Variants in CLVS1 observed in about 807,000 individuals in gnomAD.
CLVS1 encodes the protein clavesin-1.
In CLVS1, 10 loss-of-function variants were observed where a neutral mutation model predicts 33.1. The observed-to-expected ratio is 0.30, with a 90% CI of 0.19 to 0.51. CLVS1 has a LOEUF of 0.51. Among genes scored for constraint, CLVS1 ranks in the 20% least tolerant of loss-of-function variants. The pLI, the probability that CLVS1 is intolerant of heterozygous loss-of-function variation, is 0.97. For missense variants in CLVS1, 343 were observed against 433.4 expected, an observed-to-expected ratio of 0.79 and a Z score of 1.85; for synonymous variants, 163 against 166.1, an observed-to-expected ratio of 0.98 and a Z score of 0.14.
At chr8:61,091,266 A>G (rs10095015) in intron 1 of CLVS1, among the ~76,000 whole-genome samples, 36,370 of 152,060 alleles carry the variant, frequency 0.24, 5,102 homozygotes, top group East Asian at 0.6. Context: ...GAGACAAAGA[A>G]CAGATTTCCC....
intron 3 of CLVS1, among the ~76,000 whole-genome samples, chr8:61,443,466 T>C (rs1199342254): frequency 6.6e-6 from 1 of 152,242 alleles, no homozygotes; most frequent in African/African-American, 2.4e-5. Context: ...TCTCTGTGGA[T>C]GTCCTATTGC....
chr8:61,362,102 A>C (rs1239743239), intron 2 of CLVS1, among the ~76,000 whole-genome samples: 1 of 152,176 alleles, frequency 6.6e-6, no homozygotes, highest in African/African-American at 2.4e-5. Flanking sequence ...CTGGGCTTTG[A>C]AGGCTGAGAA....
In CLVS1 at chr8:61,316,307, G is replaced by T. The variant is rs527746764; in HGVS notation, c.455+16025G>T. 4.6e-5 allele frequency among the ~76,000 whole-genome samples: 7 copies of T among 152,254 alleles called. No homozygotes were observed. In the South Asian group the frequency reaches 1.2e-3, roughly 27 times the overall value. ...GATACTGACCTTTGCTCTACAATTG[G>T]CTACTGCGAATACATGAATCTGTTG... On this transcript the variant is annotated intron_variant, in intron 2 of 5. Transcript: ENST00000325897.
chr8:61,377,674 T>C (rs898740305), intron 3 of CLVS1: 1 of 152,200 alleles, frequency 6.6e-6, no homozygotes, highest in Admixed American at 6.5e-5. Flanking sequence ...TACACTCCAC[T>C]GCAATAATTG....
chr8:61,415,138 CT>C (rs1304718072), intron 3 of CLVS1, among the ~76,000 whole-genome samples: 3 of 152,248 alleles, frequency 2.0e-5, no homozygotes, highest in Non-Finnish European at 2.9e-5. Context: ...ATTCTGAGAC[CT>C]TTTCCCCTCA....
At chr8:61,423,699 A>C (rs1408246100) in intron 3 of CLVS1, among the ~76,000 whole-genome samples, 3 of 152,204 alleles carry the variant, frequency 2.0e-5, no homozygotes, top group African/African-American at 7.2e-5. Context: ...CAAATTCTAC[A>C]AAATGGGCAT....
chr8:61,209,376 C>A (rs1287443586), intron 2 of CLVS1, among the ~76,000 whole-genome samples: 1 of 152,170 alleles, frequency 6.6e-6, no homozygotes, highest in East Asian at 1.9e-4. Flanking sequence ...CACATTTTTA[C>A]ATTTTGCACA....
rs867226903 is a variant in CLVS1, at chr8:61,113,699, C to T, written c.-242-18071C>T. On this transcript the variant is annotated intron_variant, in intron 1 of 2. Coordinates refer to the CLVS1 transcript ENST00000522621. ...CACCTGGAAAGGATGGCTCTGCTTA[C>T]GGCACCTGCACTGACACCCGCCCAT... Among the ~76,000 whole-genome samples the T allele has an allele frequency of 2.0e-5, 3 of 152,344 alleles. No homozygotes were observed. The South Asian group carries it at 6.2e-4, about 32-fold the overall frequency.
At chr8:61,454,565 C>T (rs1009537846) in intron 4 of CLVS1, among the ~76,000 whole-genome samples, 3 of 152,180 alleles carry the variant, frequency 2.0e-5, no homozygotes, top group Non-Finnish European at 4.4e-5. Context: ...CAGCAGCTTT[C>T]CTGTTCATAA....
At chr8:61,149,778 G>A (rs1334757599) in intron 2 of CLVS1, among the ~76,000 whole-genome samples, 1 of 152,088 alleles carries the variant, frequency 6.6e-6, no homozygotes, top group Non-Finnish European at 1.5e-5. Context: ...TTCAAAGAGA[G>A]TATTGTAGCC....
chr8:61,298,536 C>T (rs1188057902), intron 1 of CLVS1, among the ~76,000 whole-genome samples: 1 of 151,962 alleles, frequency 6.6e-6, no homozygotes, highest in Non-Finnish European at 1.5e-5. Context: ...CTAAATTAAG[C>T]AGAGCAATCA....
In CLVS1 at chr8:61,329,697, T is replaced by C. The variant is rs865914353; in HGVS notation, c.455+29415T>C. On this transcript the variant is annotated intron_variant, in intron 2 of 5. Transcript: ENST00000325897. Reference sequence around the variant, plus strand: ...TCACAATTTGAAGCTAAATCAATATTTGTCATTTATATTATGATCACTTTG... The same window carrying C: ...TCACAATTTGAAGCTAAATCAATATCTGTCATTTATATTATGATCACTTTG... Among the ~76,000 whole-genome samples, 7 of 152,342 alleles carry C rather than the reference T, an allele frequency of 4.6e-5. No individual in the cohort carries two copies. In the Middle Eastern group the frequency reaches 0.01, roughly 222 times the overall value.
chr8:60,990,452 C>T, the CLVS1 span, among the ~76,000 whole-genome samples: 26 of 152,264 alleles, frequency 1.7e-4, no homozygotes, highest in East Asian at 5.8e-4. Flanking sequence ...TAAAATACCT[C>T]AGCCTCTTCT....
At chr8:61,297,712 C>T (rs1185918684) in intron 1 of CLVS1, among the ~76,000 whole-genome samples, 1 of 152,060 alleles carries the variant, frequency 6.6e-6, no homozygotes. Flanking sequence ...GGGGCAGGAT[C>T]TTAGAGAACA....
intron 2 of CLVS1, among the ~76,000 whole-genome samples, chr8:61,305,684 A>G (rs540449768): frequency 2.6e-5 from 4 of 152,042 alleles, no homozygotes; most frequent in African/African-American, 9.6e-5. Flanking sequence ...TTCATTAGTT[A>G]GTTTTCTTGG....
At chr8:61,394,380 T>G (rs1814435108) in intron 3 of CLVS1, among the ~76,000 whole-genome samples, 1 of 152,168 alleles carries the variant, frequency 6.6e-6, no homozygotes, top group African/African-American at 2.4e-5. Flanking sequence ...GGTGATGGGC[T>G]GGGCCATAGA....
At chr8:61,405,736 G>A (rs1814961282) in intron 3 of CLVS1, among the ~76,000 whole-genome samples, 2 of 147,728 alleles carry the variant, frequency 1.4e-5, no homozygotes, top group Non-Finnish European at 3.0e-5. Context: ...CCTGGGGCAA[G>A]GCACTGTGGA....
chr8:61,270,746 A>G (rs1563471089), intron 2 of CLVS1, among the ~76,000 whole-genome samples: 3 of 151,118 alleles, frequency 2.0e-5, no homozygotes, highest in African/African-American at 7.3e-5. Context: ...CTCTTGGGAG[A>G]GTGTATGTGT....
At chr8:61,274,644 G>T (rs969502669) in intron 2 of CLVS1, among the ~76,000 whole-genome samples, 3 of 152,000 alleles carry the variant, frequency 2.0e-5, no homozygotes, top group Non-Finnish European at 4.4e-5. Flanking sequence ...TGATGTTCAG[G>T]TCCCCAAAAT....
Sources: allele counts gnomAD v4.1 joint callset (sites outside exome capture counted in the v4.1 genomes callset), GRCh38; gene constraint gnomAD v4.1.1; transcripts MANE v1.5; gene names NCBI Gene and HGNC (gene_info 2026-07-23, HGNC 2026-07-21).